GPHA2: variants seen among roughly 807,000 people sequenced by gnomAD.
The protein encoded by GPHA2 is glycoprotein hormone subunit alpha 2, also known as glycoprotein hormone alpha-2.
GPHA2 carries 12 observed loss-of-function variants against 15.3 expected under a neutral mutation model. That is an observed-to-expected ratio of 0.78 (90% CI 0.50 to 1.27). The LOEUF (loss-of-function observed/expected upper bound fraction) is 1.27. GPHA2 is among the 50% of genes most tolerant of loss of function. The pLI is 0.00. For synonymous variants in GPHA2, 61 were observed against 66.8 expected, an observed-to-expected ratio of 0.91 and a Z score of 0.42; for missense variants, 156 against 169.5, an observed-to-expected ratio of 0.92 and a Z score of 0.44.
chr11:64,935,238 C>T (rs1193233064), intron 2 of GPHA2, 63 bp from the exon 3 acceptor site: 12 of 1,537,062 alleles, frequency 7.8e-6, no homozygotes, highest in Admixed American at 1.9e-5. Context: ...CCCCAGCTCC[C>T]GTTGCCTGTG....
chr11:64,935,592 C>T (rs1050280540), intron 1 of GPHA2, 132 bp from the exon 2 acceptor site: 5 of 615,246 alleles, frequency 8.1e-6, no homozygotes, highest in Non-Finnish European at 1.4e-5. Context: ...ATGGTGCTGC[C>T]TTTTCCCTGT....
chr11:64,934,779 G>T lies in GPHA2; in HGVS notation c.384C>A (p.Arg128=). The T allele has an allele frequency of 1.2e-6, 2 of 1,613,538 alleles. No individual in the cohort carries two copies. The highest frequency in any genetic ancestry group is 1.7e-6 in the Non-Finnish European group (2 of 1,179,450). ...AAGGAGGGGAGAGGATGGGCTAGTA[G>T]CGAGAGAGGCGACACATGTCACACT... The part of the protein sequence containing the change: ...ACQCDMCRLS[R]Y Residue 128 remains arginine, a synonymous_variant, in exon 4 of 4, where the codon CGC becomes CGA. Transcript: ENST00000279168.
In GPHA2 at chr11:64,935,859, G is replaced by T. The variant is rs148033979; in HGVS notation, c.-26C>A. On this transcript the variant is annotated 5_prime_UTR_variant, in exon 1 of 4. Transcript: ENST00000279168. ...CACTTCCGAGGCCCAGGAACAGAGC[G>T]GCTTGCAGTTTTCCTGTGCCTCCTG... The T allele has an allele frequency of 5.6e-5, 9 of 160,108 alleles. No individual in the cohort carries two copies. The highest frequency in any genetic ancestry group is 1.2e-4 in the Non-Finnish European group (9 of 73,676). 9.9% of individuals were successfully genotyped at this position (160,108 alleles called of 1,614,324 possible). A position where few individuals can be genotyped will look rare whatever the true frequency, so the allele number is the denominator to read the frequency against.
intron 1 of GPHA2, 142 bp downstream of exon 1, chr11:64,935,692 G>T: frequency 2.4e-6 from 1 of 416,566 alleles, no homozygotes; most frequent in Non-Finnish European, 4.3e-6. Context: ...CCTCTGTGCA[G>T]TGATTCTCCC....
At chr11:64,936,863 A>T (rs1422252356), upstream of GPHA2, among the ~76,000 whole-genome samples, 2 of 152,192 alleles carry the variant, frequency 1.3e-5, no homozygotes, top group East Asian at 3.9e-4. Flanking sequence ...CTGACTCCTG[A>T]AAGGGCCTGA....
Position 64,935,094 on chromosome 11 carries a change from TCA to T in GPHA2, c.183_184del (p.Cys61Ter), listed in dbSNP as rs1945278060. The T allele has an allele frequency of 6.2e-7, 1 of 1,613,950 alleles. No homozygotes were observed. Among genetic ancestry groups the T allele is most frequent in the Non-Finnish European group, 8.5e-7 (1 of 1,179,984 alleles). ...GTACCGAGAAGGGAAGGCGCTGGAC[TCA>T]CAGTGGCCCACACAGGCCTGTGCCA... On this transcript the variant is annotated stop_gained and frameshift_variant, in exon 3 of 4. Transcript: ENST00000279168. LOFTEE classifies it high-confidence loss of function.
chr11:64,935,135 G>T lies in GPHA2; in HGVS notation c.144C>A (p.Cys48Ter). ...AGGCCTGTGCCACGTGGGAGCCCTG[G>T]CAGGTGCCTTGGCGGTCACTTCGCA... ...VTVRSDRQGT[C>*]QGSHVAQACV... The change falls in exon 3 of 4, where the codon TGC becomes TGA. Residue 48 changes from cysteine to a stop codon, truncating the protein, a stop_gained. Coordinates refer to ENST00000279168, the MANE Select transcript of GPHA2 (RefSeq NM_130769.4). LOFTEE classifies it high-confidence loss of function. 1 of 1,613,982 alleles carries T rather than the reference G, an allele frequency of 6.2e-7. No individual in the cohort carries two copies. The highest frequency in any genetic ancestry group is 8.5e-7 in the Non-Finnish European group (1 of 1,179,984).
chr11:64,935,037 T>C lies in GPHA2; in HGVS notation c.242A>G (p.Asn81Ser), dbSNP rs1945277147. The change falls in exon 3 of 4, where the codon AAC (asparagine) becomes AGC (serine). Residue 81 changes from asparagine to serine, a missense_variant. Physicochemically the swap from Asn to Ser is conservative, Grantham distance 46 (BLOSUM62 1). Coordinates refer to ENST00000279168, the MANE Select transcript of GPHA2 (RefSeq NM_130769.4). ...SVLVASGYRH[N>S]ITSVSQCCTI... ...GCAGCACTGAGAGACGGAGGTGATGTTGTGTCGGTAACCACTGGCCACCAG... is the reference window on the plus strand; with the variant it reads ...GCAGCACTGAGAGACGGAGGTGATGCTGTGTCGGTAACCACTGGCCACCAG... 4 of 1,614,006 alleles carry C rather than the reference T, an allele frequency of 2.5e-6. No homozygotes were observed. Among genetic ancestry groups the C allele is most frequent in the Non-Finnish European group, 3.4e-6 (4 of 1,179,968 alleles).
At chr11:64,937,182 G>C (rs909870510), upstream of GPHA2, among the ~76,000 whole-genome samples, 2 of 152,224 alleles carry the variant, frequency 1.3e-5, no homozygotes, top group Non-Finnish European at 2.9e-5. Flanking sequence ...TGCTCAGAAA[G>C]AGCAGGGCCA....
intron 1 of GPHA2, 102 bp from the exon 2 acceptor site, chr11:64,935,562 G>A (rs1193164984): frequency 3.6e-5 from 26 of 726,736 alleles, no homozygotes; most frequent in Non-Finnish European, 5.5e-5. Context: ...TGGCTGGTCT[G>A]ACAGGTGAGG....
At chr11:64,937,088 G>A (rs2136698545), upstream of GPHA2, among the ~76,000 whole-genome samples, 1 of 152,328 alleles carries the variant, frequency 6.6e-6, no homozygotes, top group African/African-American at 2.4e-5. Flanking sequence ...GCAGTGGCCA[G>A]AGGGGTTGGG....
In GPHA2 at chr11:64,935,167, C is replaced by A. The variant is rs1339071553; in HGVS notation, c.112G>T (p.Val38Leu). 6.2e-7 allele frequency: 1 copy of A among 1,613,208 alleles called. No individual in the cohort carries two copies. Among genetic ancestry groups the A allele is most frequent in the Non-Finnish European group, 8.5e-7 (1 of 1,179,708 alleles). ...IPGCHLHPFN[V>L]TVRSDRQGTC... Reference sequence around the variant, plus strand: ...CCTTGGCGGTCACTTCGCACTGTCACATTGAAGGCTAGAAGGAGATAGGCA... The same window carrying A: ...CCTTGGCGGTCACTTCGCACTGTCAAATTGAAGGCTAGAAGGAGATAGGCA... The change falls in exon 3 of 4, where the codon GTG becomes TTG. Residue 38 changes from valine (V) to leucine (L), a missense_variant. By Grantham distance (32) the Val-to-Leu change is conservative (BLOSUM62 1). Transcript: ENST00000279168.
Position 64,934,651 on chromosome 11 carries a change from A to G in GPHA2, c.*122T>C. Reference sequence around the variant, plus strand: ...AACAACCCTCCCCTTATTTAAAAAAATTCCATAGCAAGTAACCATCAGGGC... The same window carrying G: ...AACAACCCTCCCCTTATTTAAAAAAGTTCCATAGCAAGTAACCATCAGGGC... On this transcript the variant is annotated 3_prime_UTR_variant, in exon 4 of 4. Transcript: ENST00000279168. 1.3e-6 allele frequency: 1 copy of G among 791,188 alleles called. No homozygotes were observed. The highest frequency in any genetic ancestry group is 2.2e-6 in the Non-Finnish European group (1 of 458,658). 49.0% of individuals were successfully genotyped at this position (791,188 alleles called of 1,614,324 possible).
rs762812588 is a variant in GPHA2, at chr11:64,935,060, C to T, written c.219G>A (p.Leu73=). The T allele has an allele frequency of 9.3e-6, 15 of 1,614,120 alleles. No individual in the cohort carries two copies. The highest frequency in any genetic ancestry group is 8.8e-5 in the South Asian group (8 of 91,068). Residue 73 remains leucine (L), a synonymous_variant, in exon 3 of 4, where the codon CTG becomes CTA. Transcript: ENST00000279168. ...SSAFPSRYSV[L]VASGYRHNIT... ...TGTTGTGTCGGTAACCACTGGCCACCAGCACAGAGTACCGAGAAGGGAAGG... is the reference window on the plus strand; with the variant it reads ...TGTTGTGTCGGTAACCACTGGCCACTAGCACAGAGTACCGAGAAGGGAAGG...
In GPHA2 at chr11:64,934,998, A is replaced by G. The variant is rs1350497327; in HGVS notation, c.281T>C (p.Leu94Pro). 2 of 1,613,734 alleles carry G rather than the reference A, an allele frequency of 1.2e-6. No homozygotes were observed. Among genetic ancestry groups the G allele is most frequent in the Admixed American group, 3.3e-5 (2 of 59,990 alleles). The stretch of plus-strand genomic sequence containing the variant: ...GGCCCGGGCCCTCCTCACCTTCTTC[A>G]GGCCACTGATGGTGCAGCACTGAGA... ...SVSQCCTISG[L>P]KKVKVQLQCV... The change falls in exon 3 of 4, where the codon CTG (leucine) becomes CCG (proline). Residue 94 changes from leucine (L) to proline (P), a missense_variant. Transcript: ENST00000279168.
At chr11:64,937,547 T>A (rs909839532), upstream of GPHA2, 1 of 152,262 alleles carries the variant, frequency 6.6e-6, no homozygotes, top group Non-Finnish European at 1.5e-5. Flanking sequence ...GCAGTCCACC[T>A]CTTCTCTTCT....
At chr11:64,935,762 A>AT (rs1277150393) in intron 1 of GPHA2, 72 bp downstream of exon 1, 2 of 263,104 alleles carry the variant, frequency 7.6e-6, no homozygotes, top group African/African-American at 4.4e-5. Flanking sequence ...CATCTGCCCC[A>AT]TCTTGGCCTG....
chr11:64,936,166 G>A (rs1167636499), upstream of GPHA2, among the ~76,000 whole-genome samples: 3 of 152,182 alleles, frequency 2.0e-5, no homozygotes, highest in Non-Finnish European at 4.4e-5. Context: ...TGCAGCTGAC[G>A]ACACAGGGGT....
upstream of GPHA2, among the ~76,000 whole-genome samples, chr11:64,936,241 T>C (rs764828968): frequency 9.9e-5 from 15 of 152,090 alleles, no homozygotes; most frequent in Non-Finnish European, 1.5e-4. Flanking sequence ...GACAGAACAT[T>C]TCCCTGTTCA....
Sources: gnomAD v4.1 joint callset for allele counts (sites outside exome capture counted in the v4.1 genomes callset) on GRCh38, gnomAD v4.1.1 for gene constraint, MANE v1.5 for transcripts, NCBI Gene and HGNC (gene_info 2026-07-23, HGNC 2026-07-21) for gene names.